The following FHIP2A variants were observed in gnomAD, a reference collection of about 807,000 sequenced individuals.
FHIP2A encodes family with sequence similarity 160 member B1.
A neutral mutation model predicts 93.5 loss-of-function variants in FHIP2A; 46 were observed. The ratio of observed to expected loss-of-function variants is 0.49; its 90% confidence interval spans 0.39 to 0.63. FHIP2A has a LOEUF of 0.63. Among genes scored for constraint, FHIP2A ranks in the 20% least tolerant of loss-of-function variants. The pLI is 0.00. For synonymous variants in FHIP2A, 332 were observed against 326.5 expected, an observed-to-expected ratio of 1.02 and a Z score of -0.18; for missense variants, 769 against 909.7, an observed-to-expected ratio of 0.85 and a Z score of 1.99.
In FHIP2A at chr10:114,861,472, T is replaced by A. The variant is rs2083799388; in HGVS notation, c.2230T>A (p.Leu744Ile). The stretch of plus-strand genomic sequence containing the variant: ...CACACTGCTAGAGGGTGTGATTGTG[T>A]TAGAAGAGTTCTGTAAGGAGCTGGC... ...HITLLEGVIVLEEFCKELAAI... is the reference protein window; with the variant it reads ...HITLLEGVIVIEEFCKELAAI... Residue 744 changes from leucine (L) to isoleucine (I), a missense_variant, in exon 17 of 17, where the codon TTA becomes ATA. Physicochemically the swap from Leu to Ile is conservative, Grantham distance 5. Transcript: ENST00000369248. 6.2e-7 allele frequency: 1 copy of A among 1,614,046 alleles called. No homozygotes were observed. Among genetic ancestry groups the A allele is most frequent in the African/African-American group, 1.3e-5 (1 of 74,928 alleles).
intron 16 of FHIP2A, among the ~76,000 whole-genome samples, chr10:114,894,635 A>G (rs1385100632): frequency 6.6e-6 from 1 of 152,112 alleles, no homozygotes; most frequent in Non-Finnish European, 1.5e-5. Context: ...GGAAAAGGAC[A>G]TTTTCATTAA....
downstream of FHIP2A, among the ~76,000 whole-genome samples, chr10:114,869,682 T>G (rs150515291): frequency 1.3e-5 from 2 of 152,298 alleles, no homozygotes; most frequent in Admixed American, 1.3e-4. Flanking sequence ...AGTAAGCCTT[T>G]CTCTGAAAAT....
At chr10:114,822,472 G>A (rs2083537327) in intron 1 of FHIP2A, among the ~76,000 whole-genome samples, 1 of 152,206 alleles carries the variant, frequency 6.6e-6, no homozygotes, top group African/African-American at 2.4e-5. Flanking sequence ...GGAGCACCTG[G>A]CGGGGTCGCA....
chr10:114,885,795 T>C (rs899896351), intron 16 of FHIP2A, among the ~76,000 whole-genome samples: 3 of 152,212 alleles, frequency 2.0e-5, no homozygotes, highest in African/African-American at 7.2e-5. Context: ...TGGAAGACCC[T>C]GTCTCTCCCT....
chr10:114,867,208 CA>C (rs11392511), downstream of FHIP2A, among the ~76,000 whole-genome samples: 211 of 123,670 alleles, frequency 1.7e-3, 1 homozygote, highest in Admixed American at 2.4e-3. Context: ...GACTCCATCT[CA>C]AAAAAAAAAA....
chr10:114,887,881 C>T (rs767260528), intron 16 of FHIP2A, among the ~76,000 whole-genome samples: 40 of 152,254 alleles, frequency 2.6e-4, no homozygotes, highest in African/African-American at 8.4e-4. Flanking sequence ...CTCCTTTCAC[C>T]GTCTATTCTC....
At chr10:114,842,827 T>C in intron 5 of FHIP2A, 106 bp from the exon 6 acceptor site, 1 of 681,498 alleles carries the variant, frequency 1.5e-6, no homozygotes, top group South Asian at 2.0e-5. Context: ...CATCTATTGC[T>C]ACTTTGGCTA....
chr10:114,836,051 A>T, intron 4 of FHIP2A, 73 bp from the exon 5 acceptor site: 1 of 1,175,506 alleles, frequency 8.5e-7, no homozygotes, highest in Non-Finnish European at 1.2e-6. Context: ...TCCTTAAGGT[A>T]AATGAATGGT....
At chr10:114,891,219 AATATAT>A (rs67046628) in intron 16 of FHIP2A, among the ~76,000 whole-genome samples, 1 of 138,462 alleles carries the variant, frequency 7.2e-6, no homozygotes, top group Non-Finnish European at 1.6e-5. Flanking sequence ...AACAACAACA[AATATAT>A]ATATATATAT....
chr10:114,884,146 T>A (rs1332472915), intron 16 of FHIP2A, among the ~76,000 whole-genome samples: 1 of 152,162 alleles, frequency 6.6e-6, no homozygotes, highest in African/African-American at 2.4e-5. Context: ...TGAATTAGTT[T>A]AATAAAAAAG....
Position 114,848,838 on chromosome 10 carries a change from A to G in FHIP2A, c.1803+101A>G, listed in dbSNP as rs1241538450. On this transcript the variant is annotated intron_variant, in intron 13 of 16. Transcript: ENST00000369248. ...ACCACTGCTCCAAGGAAATGACTTC[A>G]TTCTTATTAAAAATGAGACCTGGGC... 28 of 758,784 alleles carry G rather than the reference A, an allele frequency of 3.7e-5. No individual in the cohort carries two copies. The East Asian group carries it at 7.4e-4, about 20-fold the overall frequency. 47.0% of individuals were successfully genotyped at this position (758,784 alleles called of 1,614,324 possible).
In FHIP2A at chr10:114,835,639, C is replaced by T. The variant is rs751973178; in HGVS notation, c.397C>T (p.Gln133Ter). The stretch of plus-strand genomic sequence containing the variant: ...ACACATTAACGTGCACAGGCCAGTG[C>T]AGGTATTTTGTTCCCCCTACATAAA... ...LPHINVHRPV[Q>*]KLIRLCGEVL... The change falls in exon 4 of 17, where the codon CAG becomes TAG. Residue 133 changes from glutamine (Q) to a stop codon, truncating the protein, a stop_gained and splice_region_variant. Coordinates refer to ENST00000369248, the MANE Select transcript of FHIP2A (RefSeq NM_020940.4). LOFTEE classifies it high-confidence loss of function. 1.3e-6 allele frequency: 2 copies of T among 1,549,210 alleles called. No individual in the cohort carries two copies. Among genetic ancestry groups the T allele is most frequent in the Non-Finnish European group, 1.8e-6 (2 of 1,137,412 alleles).
downstream of FHIP2A, among the ~76,000 whole-genome samples, chr10:114,866,687 T>C (rs2143013821): frequency 6.6e-6 from 1 of 152,272 alleles, no homozygotes; most frequent in East Asian, 1.9e-4. Context: ...GTGTGGTGTT[T>C]ACAAAAATAA....
intron 5 of FHIP2A, among the ~76,000 whole-genome samples, chr10:114,841,292 GTT>G (rs397845509): frequency 6.4e-5 from 8 of 125,044 alleles, no homozygotes; most frequent in Admixed American, 1.8e-4. Context: ...TATGCCATTG[GTT>G]TTTTTTTTTT....
At position 114,864,267 on chromosome 10, in the gene FHIP2A, A is replaced by G. The variant is rs1159217863; in HGVS notation, c.*2727A>G. The G allele has an allele frequency of 6.1e-6, 6 of 983,324 alleles. No homozygotes were observed. Among genetic ancestry groups the G allele is most frequent in the African/African-American group, 1.7e-5 (1 of 57,184 alleles). 60.9% of individuals were successfully genotyped at this position (983,324 alleles called of 1,614,324 possible). A position where few individuals can be genotyped will look rare whatever the true frequency, so the allele number is the denominator to read the frequency against. On this transcript the variant is annotated 3_prime_UTR_variant, in exon 17 of 17. Transcript: ENST00000369248. The stretch of plus-strand genomic sequence containing the variant: ...TCATAAATTATTGCATTAACATACA[A>G]TTGCCATTTAATTATGAAGTCCATC...
chr10:114,850,543 T>A lies in FHIP2A; in HGVS notation c.1803+1806T>A, dbSNP rs546154876. ...CAATCCCATTTTTACAAAAATTTTT[T>A]AAAAAAATTATCCGTGTGTGGTGGC... On this transcript the variant is annotated intron_variant, in intron 13 of 16. Transcript: ENST00000369248. 6.8e-4 allele frequency among the ~76,000 whole-genome samples: 103 copies of A among 151,862 alleles called. No homozygotes were observed. In the East Asian group the frequency reaches 8.5e-3, roughly 13 times the overall value.
intron 2 of FHIP2A, among the ~76,000 whole-genome samples, chr10:114,832,014 A>G (rs1194123233): frequency 2.0e-5 from 3 of 152,354 alleles, no homozygotes; most frequent in South Asian, 4.1e-4. Context: ...AGTACATAGC[A>G]TACCAGAATT....
chr10:114,889,694 G>T (rs1257786095), intron 16 of FHIP2A, among the ~76,000 whole-genome samples: 3 of 152,190 alleles, frequency 2.0e-5, no homozygotes, highest in Admixed American at 6.5e-5. Flanking sequence ...CTGCAGTGGA[G>T]CACCACCACT....
intron 16 of FHIP2A, among the ~76,000 whole-genome samples, chr10:114,875,063 G>C (rs2083877599): frequency 6.6e-6 from 1 of 152,182 alleles, no homozygotes; most frequent in Non-Finnish European, 1.5e-5. Flanking sequence ...TCCGAAGCTT[G>C]CTTGCATTAA....
Sources: allele counts gnomAD v4.1 joint callset (sites outside exome capture counted in the v4.1 genomes callset), GRCh38; gene constraint gnomAD v4.1.1; transcripts MANE v1.5; gene names NCBI Gene and HGNC (gene_info 2026-07-23, HGNC 2026-07-21).